The following ADAMTSL1 variants were observed in gnomAD, a reference collection of about 807,000 sequenced individuals.
The protein encoded by ADAMTSL1 is ADAMTS like 1.
ADAMTSL1 carries 126 observed loss-of-function variants against 201.8 expected under a neutral mutation model. That is an observed-to-expected ratio of 0.62 (90% confidence interval 0.54 to 0.72). The LOEUF (loss-of-function observed/expected upper bound fraction) is 0.72. Ranked by LOEUF, ADAMTSL1 falls within the 30% of genes least tolerant of loss-of-function variation. The pLI is 0.00. For synonymous variants in ADAMTSL1, 1,121 were observed against 903.4 expected, an observed-to-expected ratio of 1.24 and a Z score of -4.32; for missense variants, 2,679 against 2,277.8, an observed-to-expected ratio of 1.18 and a Z score of -3.59.
intron 13 of ADAMTSL1, among the ~76,000 whole-genome samples, chr9:18,695,084 C>G (rs561592961): frequency 6.6e-6 from 1 of 152,352 alleles, no homozygotes. Flanking sequence ...GCAGCTGGGA[C>G]ACAAGGAGCA....
At chr9:18,896,637 A>C (rs1391257330) in intron 26 of ADAMTSL1, among the ~76,000 whole-genome samples, 1 of 152,156 alleles carries the variant, frequency 6.6e-6, no homozygotes, top group Non-Finnish European at 1.5e-5. Flanking sequence ...AGAGCCAAAA[A>C]ACCTTCACCC....
chr9:18,492,533 C>A (rs1822318194), intron 1 of ADAMTSL1, among the ~76,000 whole-genome samples: 1 of 152,124 alleles, frequency 6.6e-6, no homozygotes, highest in African/African-American at 2.4e-5. Flanking sequence ...TGTAACAAAA[C>A]AATTCTTAGG....
chr9:17,951,577 T>G (rs919550708), intron 1 of ADAMTSL1, among the ~76,000 whole-genome samples: 1 of 152,132 alleles, frequency 6.6e-6, no homozygotes, highest in Non-Finnish European at 1.5e-5. Flanking sequence ...CTAGGTTTCT[T>G]GCATATTCTG....
intron 2 of ADAMTSL1, among the ~76,000 whole-genome samples, chr9:18,525,981 T>A (rs957812295): frequency 2.0e-5 from 3 of 152,208 alleles, no homozygotes; most frequent in Non-Finnish European, 4.4e-5. Flanking sequence ...AGAGCTGAGT[T>A]CAATTCCTGG....
chr9:18,787,621 G>T (rs1220955866), intron 19 of ADAMTSL1, among the ~76,000 whole-genome samples: 1 of 152,082 alleles, frequency 6.6e-6, no homozygotes, highest in Non-Finnish European at 1.5e-5. Flanking sequence ...TTCTAGTAAA[G>T]GGCCAAATAG....
At chr9:18,051,826 C>T (rs1821955468) in intron 1 of ADAMTSL1, among the ~76,000 whole-genome samples, 1 of 152,168 alleles carries the variant, frequency 6.6e-6, no homozygotes, top group South Asian at 2.1e-4. Context: ...TCTGCTTAAA[C>T]AGATGCTGAG....
chr9:18,572,862 C>CA (rs1223373073), intron 3 of ADAMTSL1, among the ~76,000 whole-genome samples: 2 of 152,048 alleles, frequency 1.3e-5, no homozygotes, highest in South Asian at 4.1e-4. Context: ...TTATTTAAAA[C>CA]AAAAAATTAG....
At chr9:18,652,201 A>C (rs1239380514) in intron 7 of ADAMTSL1, among the ~76,000 whole-genome samples, 1 of 151,888 alleles carries the variant, frequency 6.6e-6, no homozygotes, top group Non-Finnish European at 1.5e-5. Flanking sequence ...GTGAAACCCC[A>C]TCTCTACTAA....
chr9:18,842,412 A>G (rs1420285990), intron 23 of ADAMTSL1, among the ~76,000 whole-genome samples: 1 of 152,236 alleles, frequency 6.6e-6, no homozygotes, highest in East Asian at 1.9e-4. Flanking sequence ...ACAGTTTGTT[A>G]TAATTTCTGT....
intron 1 of ADAMTSL1, among the ~76,000 whole-genome samples, chr9:18,483,612 G>A (rs898963927): frequency 6.6e-6 from 1 of 152,164 alleles, no homozygotes; most frequent in Non-Finnish European, 1.5e-5. Flanking sequence ...TGGATCAGGA[G>A]GTCAGGAGAT....
chr9:18,862,631 G>C (rs908569574), intron 23 of ADAMTSL1, among the ~76,000 whole-genome samples: 1 of 152,184 alleles, frequency 6.6e-6, no homozygotes, highest in African/African-American at 2.4e-5. Context: ...TACACAGAGA[G>C]GGGAATTTCT....
At chr9:18,635,317 A>G (rs940653745) in intron 5 of ADAMTSL1, among the ~76,000 whole-genome samples, 10 of 152,200 alleles carry the variant, frequency 6.6e-5, no homozygotes, top group Admixed American at 2.6e-4. Flanking sequence ...AAAGAAATCT[A>G]TTATAAAGTG....
intron 1 of ADAMTSL1, among the ~76,000 whole-genome samples, 161 bp from the exon 2 acceptor site, chr9:18,504,668 T>C (rs772786872): frequency 4.6e-5 from 7 of 152,174 alleles, no homozygotes; most frequent in Non-Finnish European, 1.0e-4. Context: ...CCTGAACATA[T>C]AGGCATTATG....
At chr9:18,340,118 G>C (rs1017773267) in intron 2 of ADAMTSL1, among the ~76,000 whole-genome samples, 25 of 152,158 alleles carry the variant, frequency 1.6e-4, no homozygotes, top group African/African-American at 6.0e-4. Context: ...TTGGAGGAAA[G>C]AGAAACAAAT....
chr9:18,760,803 G>A (rs564059216), intron 16 of ADAMTSL1, among the ~76,000 whole-genome samples: 2 of 152,352 alleles, frequency 1.3e-5, no homozygotes, highest in Admixed American at 1.3e-4. Flanking sequence ...TGCACCTTCA[G>A]TGCGTACACA....
intron 1 of ADAMTSL1, among the ~76,000 whole-genome samples, chr9:17,992,491 C>G (rs552671779): frequency 6.6e-6 from 1 of 152,186 alleles, no homozygotes; most frequent in South Asian, 2.1e-4. Flanking sequence ...TGTACTTGGT[C>G]CCTTTAGTAT....
intron 23 of ADAMTSL1, among the ~76,000 whole-genome samples, chr9:18,850,094 A>T (rs1035081206): frequency 6.6e-6 from 1 of 152,214 alleles, no homozygotes; most frequent in African/African-American, 2.4e-5. Context: ...CTGCCTAGCC[A>T]CTGTTCTAAG....
At chr9:18,799,783 T>C (rs760493431) in intron 20 of ADAMTSL1, among the ~76,000 whole-genome samples, 10 of 152,108 alleles carry the variant, frequency 6.6e-5, no homozygotes, top group Non-Finnish European at 1.2e-4. Context: ...CTGATACACA[T>C]TGTGTCTAAT....
rs35874115 is a variant in ADAMTSL1 at position 18,553,210 on chromosome 9, C to CTTTTTTT, written c.237+19927_237+19933dup. Among the ~76,000 whole-genome samples, 8 of 135,854 alleles carry CTTTTTTT rather than the reference C, an allele frequency of 5.9e-5. No individual in the cohort carries two copies. The East Asian group carries it at 6.5e-4, about 11-fold the overall frequency. The allele number at this position is 135,854 out of a possible 152,430, so 89.1% of individuals were successfully genotyped here. The stretch of plus-strand genomic sequence containing the variant: ...TTGACTTCTTAGAGCTAGTCCCAGT[C>CTTTTTTT]TTTTTTTTTTTTTTTCTTATTATAC... On this transcript the variant is annotated intron_variant, in intron 3 of 28. Coordinates refer to ENST00000380548, the MANE Select transcript of ADAMTSL1 (RefSeq NM_001040272.6).
Sources: gnomAD v4.1 joint callset for allele counts (sites outside exome capture counted in the v4.1 genomes callset) on GRCh38, gnomAD v4.1.1 for gene constraint, MANE v1.5 for transcripts, NCBI Gene and HGNC (gene_info 2026-07-23, HGNC 2026-07-21) for gene names.